Variants in DHX35 observed in about 807,000 individuals in gnomAD.
DHX35 encodes the protein probable ATP-dependent RNA helicase DHX35.
A neutral mutation model predicts 99.6 loss-of-function variants in DHX35; 84 were observed. That is an observed-to-expected ratio of 0.84 (90% CI 0.71 to 1.01). DHX35 has a LOEUF of 1.01. Among genes scored for constraint, DHX35 ranks in the 50% least tolerant of loss-of-function variants. The pLI is 0.00. For synonymous variants in DHX35, 331 were observed against 316.2 expected (o/e 1.05, Z -0.50); for missense variants, 852 against 888.5 (o/e 0.96, Z 0.52).
chr20:38,973,237 C>A (rs539257395), intron 3 of DHX35, among the ~76,000 whole-genome samples: 1 of 152,228 alleles, frequency 6.6e-6, no homozygotes, highest in South Asian at 2.1e-4. Flanking sequence ...GTCTTAAGAA[C>A]CTTAACTTGA....
At chr20:38,965,594 T>C (rs1332150313) in intron 1 of DHX35, among the ~76,000 whole-genome samples, 1 of 152,220 alleles carries the variant, frequency 6.6e-6, no homozygotes, top group Non-Finnish European at 1.5e-5. Context: ...CACCTAATTG[T>C]TATCATATGG....
chr20:39,003,443 T>G (rs1023417786), intron 10 of DHX35, among the ~76,000 whole-genome samples: 30 of 152,272 alleles, frequency 2.0e-4, no homozygotes, highest in African/African-American at 7.0e-4. Flanking sequence ...GATGCTTGTT[T>G]GACACCGTAT....
chr20:39,032,317 G>T (rs1023539463), intron 20 of DHX35, among the ~76,000 whole-genome samples: 2 of 152,172 alleles, frequency 1.3e-5, no homozygotes, highest in Admixed American at 1.3e-4. Flanking sequence ...GATTACAGGT[G>T]CATGCAACCA....
chr20:39,019,139 T>C (rs1464529721), intron 15 of DHX35, among the ~76,000 whole-genome samples: 1 of 152,288 alleles, frequency 6.6e-6, no homozygotes, highest in South Asian at 2.1e-4. Flanking sequence ...ATCTTTTCCA[T>C]TGAAACTCCA....
chr20:38,968,166 C>T (rs891947020), intron 1 of DHX35, among the ~76,000 whole-genome samples: 4 of 152,158 alleles, frequency 2.6e-5, no homozygotes, highest in Non-Finnish European at 4.4e-5. Flanking sequence ...TCCATCCTTG[C>T]TGGTCCTTGC....
intron 1 of DHX35, among the ~76,000 whole-genome samples, chr20:38,967,894 A>G (rs1276619802): frequency 3.9e-5 from 6 of 152,146 alleles, no homozygotes; most frequent in Non-Finnish European, 8.8e-5. Flanking sequence ...CTAAGCTGGG[A>G]GAAGTCAGTC....
chr20:39,038,217 CAA>C (rs1053298943), intron 21 of DHX35, among the ~76,000 whole-genome samples: 1 of 152,216 alleles, frequency 6.6e-6, no homozygotes, highest in African/African-American at 2.4e-5. Flanking sequence ...AGTCGTGTCT[CAA>C]AAAGAAAACC....
At chr20:38,976,397 A>G (rs1261315928) in intron 3 of DHX35, among the ~76,000 whole-genome samples, 1 of 148,776 alleles carries the variant, frequency 6.7e-6, no homozygotes, top group Non-Finnish European at 1.5e-5. Flanking sequence ...AAACATCTAT[A>G]CATGTTTTAG....
intron 12 of DHX35, among the ~76,000 whole-genome samples, chr20:39,009,339 A>G (rs1281038852): frequency 6.6e-6 from 1 of 151,614 alleles, no homozygotes. Flanking sequence ...TCCACAGAAT[A>G]TTGGTTGTCT....
Position 39,003,899 on chromosome 20 carries a change from G to A in DHX35, c.1003G>A (p.Val335Ile), listed in dbSNP as rs747241241. ...AGTGTTTGAAAGGGTGTCACGCAGT[G>A]TCAGAAAGGTGAGACTATCCTGATG... ...MKVFERVSRS[V>I]RKVIVATNVA... The change falls in exon 11 of 22, where the codon GTC becomes ATC. Residue 335 changes from valine to isoleucine, a missense_variant. Physicochemically the swap from Val to Ile is conservative, Grantham distance 29. Coordinates refer to ENST00000252011, the MANE Select transcript of DHX35 (RefSeq NM_021931.4). The A allele has an allele frequency of 3.1e-6, 5 of 1,614,124 alleles. No homozygotes were observed. The highest frequency in any genetic ancestry group is 4.2e-6 in the Non-Finnish European group (5 of 1,180,000).
intron 14 of DHX35, among the ~76,000 whole-genome samples, chr20:39,015,584 C>G (rs1399711463): frequency 1.3e-5 from 2 of 152,070 alleles, no homozygotes; most frequent in Admixed American, 1.3e-4. Context: ...TGATTGGTAC[C>G]ACAAATGAAT....
chr20:39,000,582 A>G (rs953802397), intron 8 of DHX35, among the ~76,000 whole-genome samples: 12 of 152,162 alleles, frequency 7.9e-5, no homozygotes, highest in African/African-American at 2.9e-4. Context: ...TTAATATATA[A>G]CATCCCTGTA....
rs539728897 is a variant in DHX35 at position 39,035,716 on chromosome 20, A to G, written c.2067+1399A>G. On this transcript the variant is annotated intron_variant, in intron 21 of 21. Coordinates refer to ENST00000252011, the MANE Select transcript of DHX35 (RefSeq NM_021931.4). ...TCGCCAGGTGCCGTAGTCCCATGTC[A>G]CTTGCTTACTTGCCTGCTGCACTCT... Among the ~76,000 whole-genome samples the G allele has an allele frequency of 2.2e-3, 338 of 152,244 alleles. 14 individuals carry two copies. The South Asian group carries it at 0.055, about 25-fold the overall frequency.
intron 8 of DHX35, among the ~76,000 whole-genome samples, chr20:38,999,873 G>T (rs2086491303): frequency 6.6e-6 from 1 of 152,220 alleles, no homozygotes; most frequent in African/African-American, 2.4e-5. Flanking sequence ...TAAAGTGCCA[G>T]TGCAGCTGAT....
At chr20:38,995,003 A>G (rs2086405095) in intron 8 of DHX35, 123 bp downstream of exon 8, 1 of 739,944 alleles carries the variant, frequency 1.4e-6, no homozygotes, top group Admixed American at 2.4e-5. Flanking sequence ...TTATGGGACC[A>G]TCTGATGTCC....
In DHX35 at chr20:39,006,248, A is replaced by G. The variant is rs2086615143; in HGVS notation, c.1114A>G (p.Thr372Ala). 1.2e-6 allele frequency: 2 copies of G among 1,614,020 alleles called. No individual in the cohort carries two copies. The highest frequency in any genetic ancestry group is 2.7e-5 in the African/African-American group (2 of 74,900). The change falls in exon 12 of 22, where the codon ACA (threonine) becomes GCA (alanine). Residue 372 changes from threonine (T) to alanine (A), a missense_variant. By Grantham distance (58) the Thr-to-Ala change is moderately conservative. Coordinates refer to ENST00000252011, the MANE Select transcript of DHX35 (RefSeq NM_021931.4). Reference protein sequence around the residue: ...FVKLRAYNPRTAIECLVVVPV... With the variant: ...FVKLRAYNPRAAIECLVVVPV... ...GAAACTCCGAGCCTACAATCCCAGGACAGCTATTGAATGCTTGGTGGTGGT... is the reference window on the plus strand; with the variant it reads ...GAAACTCCGAGCCTACAATCCCAGGGCAGCTATTGAATGCTTGGTGGTGGT...
rs762075144 is a variant in DHX35 at position 39,025,191 on chromosome 20, A to G, written c.1672-39A>G. The G allele has an allele frequency of 1.5e-5, 24 of 1,588,618 alleles. No individual in the cohort carries two copies. The South Asian group carries it at 2.8e-4, about 18-fold the overall frequency. On this transcript the variant is annotated intron_variant, in intron 17 of 21. Coordinates refer to ENST00000252011, the MANE Select transcript of DHX35 (RefSeq NM_021931.4). ...ACAACATAGCCTTAGTCGAGAACAT[A>G]TCTGTTTTCTAACTCCCTCTCTCTG...
Position 38,983,702 on chromosome 20 carries a change from C to G in DHX35, c.271C>G (p.Leu91Val), listed in dbSNP as rs1208410410. ...TTAGATGTGATTTTGTTTGTAGTAC[C>G]TTGCAGAAGCCGGCTGGACAGCTGA... The part of the protein sequence containing the change: ...CGKSTQIPQY[L>V]AEAGWTAEGR... Residue 91 changes from leucine (L) to valine (V), a missense_variant, in exon 4 of 22, where the codon CTT becomes GTT. Coordinates refer to ENST00000252011, the MANE Select transcript of DHX35 (RefSeq NM_021931.4). 6.2e-7 allele frequency: 1 copy of G among 1,613,994 alleles called. No individual in the cohort carries two copies.
intron 1 of DHX35, among the ~76,000 whole-genome samples, chr20:38,966,005 T>C (rs1312008300): frequency 1.3e-5 from 2 of 152,260 alleles, no homozygotes; most frequent in Admixed American, 1.3e-4. Flanking sequence ...TAAACAGTAT[T>C]GCTTTCTGGA....
Sources: gnomAD v4.1 joint callset for allele counts (sites outside exome capture counted in the v4.1 genomes callset) on GRCh38, gnomAD v4.1.1 for gene constraint, MANE v1.5 for transcripts, NCBI Gene and HGNC (gene_info 2026-07-23, HGNC 2026-07-21) for gene names.